Variants in AK5 observed in about 807,000 individuals in gnomAD.
The protein encoded by AK5 is adenylate kinase isoenzyme 5.
A neutral mutation model predicts 69.5 loss-of-function variants in AK5; 27 were observed. The observed-to-expected ratio is 0.39, with a 90% CI of 0.29 to 0.54. AK5 has a LOEUF of 0.54. Ranked by LOEUF, AK5 falls within the 20% of genes least tolerant of loss-of-function variation. The pLI is 0.71. For synonymous variants in AK5, 260 were observed against 244.4 expected (o/e 1.06, Z -0.60); for missense variants, 531 against 700.4 (o/e 0.76, Z 2.73).
intron 13 of AK5, among the ~76,000 whole-genome samples, chr1:77,556,272 G>GT (rs1310539425): frequency 6.6e-6 from 1 of 152,112 alleles, no homozygotes; most frequent in East Asian, 1.9e-4. Context: ...TCCCCAAGAA[G>GT]TAACTCATGT....
At chr1:77,368,246 TA>T (rs1173773621) in intron 6 of AK5, among the ~76,000 whole-genome samples, 3 of 4,836 alleles carry the variant, frequency 6.2e-4, no homozygotes, top group Non-Finnish European at 1.4e-3. Context: ...TATATATATA[TA>T]TATATAATAT....
rs376913459 is a variant in AK5, at chr1:77,443,054, G to A, written c.1059+25339G>A. Among the ~76,000 whole-genome samples, 221 of 152,138 alleles carry A rather than the reference G, an allele frequency of 1.5e-3. 1 individual carries two copies. The highest frequency in any genetic ancestry group is 5.2e-3 in the African/African-American group (214 of 41,488). On this transcript the variant is annotated intron_variant, in intron 8 of 13. Transcript: ENST00000354567. Reference sequence around the variant, plus strand: ...GATTCTGACAACTTTCACACCTACCGGGATTTAAAATTAAATTCTGCATCT... The same window carrying A: ...GATTCTGACAACTTTCACACCTACCAGGATTTAAAATTAAATTCTGCATCT...
At chr1:77,436,062 T>C (rs192047672) in intron 8 of AK5, among the ~76,000 whole-genome samples, 1 of 152,318 alleles carries the variant, frequency 6.6e-6, no homozygotes, top group East Asian at 1.9e-4. Context: ...CTTGTTCCCT[T>C]GTTATTTTGA....
At chr1:77,525,073 AT>A (rs1658198517) in intron 12 of AK5, among the ~76,000 whole-genome samples, 1 of 152,012 alleles carries the variant, frequency 6.6e-6, no homozygotes, top group Non-Finnish European at 1.5e-5. Context: ...CGCCTGGCTA[AT>A]TTTTTTGTAC....
At chr1:77,470,203 T>G (rs1654375965) in intron 8 of AK5, among the ~76,000 whole-genome samples, 1 of 152,138 alleles carries the variant, frequency 6.6e-6, no homozygotes, top group Non-Finnish European at 1.5e-5. Flanking sequence ...TGTCAGGAGC[T>G]CAATAAATAA....
At chr1:77,439,032 A>G (rs1419291398) in intron 8 of AK5, among the ~76,000 whole-genome samples, 1 of 152,230 alleles carries the variant, frequency 6.6e-6, no homozygotes, top group African/African-American at 2.4e-5. Flanking sequence ...AACGAAGAGC[A>G]CAAAGGGCTC....
chr1:77,357,259 G>A (rs370671027), intron 6 of AK5, among the ~76,000 whole-genome samples: 1 of 151,394 alleles, frequency 6.6e-6, no homozygotes, highest in South Asian at 2.1e-4. Flanking sequence ...TCCAAGGGCT[G>A]ACTTTGAAGT....
rs1031004472 is a variant in AK5 at position 77,559,028 on chromosome 1, G to A, written c.*358G>A. On this transcript the variant is annotated 3_prime_UTR_variant, in exon 14 of 14. Coordinates refer to ENST00000354567, the MANE Select transcript of AK5 (RefSeq NM_174858.3). ...AGGCCTTGCTAGACCCTGATCATCTGGTTCTCCTCTCATTAAGCATCCCTA... is the reference window on the plus strand; with the variant it reads ...AGGCCTTGCTAGACCCTGATCATCTAGTTCTCCTCTCATTAAGCATCCCTA... 1.5e-4 allele frequency: 25 copies of A among 163,298 alleles called. No individual in the cohort carries two copies. Among genetic ancestry groups the A allele is most frequent in the Admixed American group, 3.2e-4 (5 of 15,772 alleles). 10.1% of individuals were successfully genotyped at this position (163,298 alleles called of 1,614,324 possible).
At chr1:77,460,871 G>A (rs530789278) in intron 8 of AK5, among the ~76,000 whole-genome samples, 17 of 150,474 alleles carry the variant, frequency 1.1e-4, no homozygotes, top group African/African-American at 2.4e-4. Flanking sequence ...TTACAGGCAC[G>A]TACCACCATG....
At chr1:77,314,367 AT>A (rs1660126681) in intron 5 of AK5, 1 of 153,096 alleles carries the variant, frequency 6.5e-6, no homozygotes, top group African/African-American at 2.4e-5. Flanking sequence ...ATAACCTAAA[AT>A]CAACTCATAC....
At chr1:77,479,989 A>C (rs1484642451) in intron 8 of AK5, among the ~76,000 whole-genome samples, 4 of 152,208 alleles carry the variant, frequency 2.6e-5, no homozygotes, top group African/African-American at 7.2e-5. Context: ...TCCTTGTCCA[A>C]GTGACATTCT....
At chr1:77,464,861 G>T (rs1480671471) in intron 8 of AK5, among the ~76,000 whole-genome samples, 1 of 152,132 alleles carries the variant, frequency 6.6e-6, no homozygotes, top group Non-Finnish European at 1.5e-5. Flanking sequence ...AGCCAGGGGA[G>T]AAGCAGGGGG....
intron 7 of AK5, among the ~76,000 whole-genome samples, chr1:77,412,361 A>G (rs1300387753): frequency 6.6e-6 from 1 of 152,134 alleles, no homozygotes; most frequent in Non-Finnish European, 1.5e-5. Context: ...AGCAGTTTCC[A>G]GGTGTCTACT....
intron 6 of AK5, among the ~76,000 whole-genome samples, chr1:77,362,280 A>G (rs1646878344): frequency 3.3e-5 from 5 of 152,202 alleles, no homozygotes; most frequent in African/African-American, 2.4e-5. Flanking sequence ...AATTTTTAAA[A>G]ACGTTTTTGC....
At chr1:77,336,052 T>G (rs1661341183) in intron 5 of AK5, among the ~76,000 whole-genome samples, 1 of 151,442 alleles carries the variant, frequency 6.6e-6, no homozygotes, top group Admixed American at 6.6e-5. Flanking sequence ...GGTTTGAGGT[T>G]ACCATGAGGC....
chr1:77,295,680 T>C (rs1021093373), intron 3 of AK5, among the ~76,000 whole-genome samples: 2 of 152,168 alleles, frequency 1.3e-5, no homozygotes, highest in Admixed American at 6.5e-5. Context: ...TCTTTCTATT[T>C]TGTTGTTCTT....
intron 8 of AK5, among the ~76,000 whole-genome samples, chr1:77,439,577 G>A (rs770314873): frequency 9.9e-5 from 15 of 151,712 alleles, no homozygotes; most frequent in Non-Finnish European, 1.9e-4. Flanking sequence ...CTAGCCTCTG[G>A]TAACCAACAT....
At chr1:77,309,151 G>A (rs921033185) in intron 5 of AK5, among the ~76,000 whole-genome samples, 3 of 151,942 alleles carry the variant, frequency 2.0e-5, no homozygotes, top group Non-Finnish European at 2.9e-5. Context: ...TAGGTGATGA[G>A]TTGACAGGTG....
intron 8 of AK5, among the ~76,000 whole-genome samples, chr1:77,479,612 T>C (rs368432632): frequency 7.9e-5 from 12 of 152,188 alleles, no homozygotes; most frequent in African/African-American, 2.9e-4. Context: ...ATGTGAGTCT[T>C]AAAGGTCACT....
Sources: gnomAD v4.1 joint callset for allele counts (sites outside exome capture counted in the v4.1 genomes callset) on GRCh38, gnomAD v4.1.1 for gene constraint, MANE v1.5 for transcripts, NCBI Gene and HGNC (gene_info 2026-07-23, HGNC 2026-07-21) for gene names.